HKDC1: variants seen among roughly 807,000 people sequenced by gnomAD.
HKDC1 encodes the protein hexokinase domain containing 1.
In HKDC1, 66 loss-of-function variants were observed where a neutral mutation model predicts 96.6. That is an observed-to-expected ratio of 0.68 (90% CI 0.56 to 0.84). HKDC1 has a LOEUF of 0.84. Ranked by LOEUF, HKDC1 falls within the 40% of genes least tolerant of loss-of-function variation. The pLI, the probability that HKDC1 is intolerant of heterozygous loss-of-function variation, is 0.00. For synonymous variants in HKDC1, 466 were observed against 473.1 expected (o/e 0.98, Z 0.20); for missense variants, 1,211 against 1,208.1 (o/e 1.00, Z -0.04).
intron 14 of HKDC1, among the ~76,000 whole-genome samples, chr10:69,257,973 C>T (rs919374771): frequency 6.6e-6 from 1 of 152,112 alleles, no homozygotes; most frequent in African/African-American, 2.4e-5. Context: ...AGGATTGGAA[C>T]AGGTGGAGAT....
chr10:69,228,282 T>C (rs1273594834), intron 2 of HKDC1, among the ~76,000 whole-genome samples: 1 of 152,136 alleles, frequency 6.6e-6, no homozygotes, highest in Non-Finnish European at 1.5e-5. Context: ...CTGCCTCCTT[T>C]CAACATTTAA....
Position 69,227,990 on chromosome 10 carries a change from A to G in HKDC1, c.226+621A>G, listed in dbSNP as rs566982534. Reference sequence around the variant, plus strand: ...CTGTAGAATGAGAAATGGCCTATGTATCTGTTTCCTATGGCTGCTGTGATG... The same window carrying G: ...CTGTAGAATGAGAAATGGCCTATGTGTCTGTTTCCTATGGCTGCTGTGATG... On this transcript the variant is annotated intron_variant, in intron 2 of 17. Coordinates refer to ENST00000354624, the MANE Select transcript of HKDC1 (RefSeq NM_025130.4). Among the ~76,000 whole-genome samples, 8 of 152,364 alleles carry G rather than the reference A, an allele frequency of 5.3e-5. No homozygotes were observed. In the East Asian group the frequency reaches 9.6e-4, roughly 18 times the overall value.
chr10:69,230,934 G>A (rs889879333), intron 2 of HKDC1, among the ~76,000 whole-genome samples: 16 of 152,144 alleles, frequency 1.1e-4, no homozygotes, highest in African/African-American at 3.6e-4. Context: ...CTGTTTTCTT[G>A]ATGTCTGTGA....
At chr10:69,247,022 C>G (rs972254954) in intron 8 of HKDC1, among the ~76,000 whole-genome samples, 4 of 152,254 alleles carry the variant, frequency 2.6e-5, no homozygotes, top group African/African-American at 9.6e-5. Context: ...AATCTCGGCT[C>G]TAGCCCTTAC....
At position 69,257,049 on chromosome 10, in the gene HKDC1, G is replaced by A; in HGVS notation, c.1850G>A (p.Gly617Glu). 6.2e-7 allele frequency: 1 copy of A among 1,613,894 alleles called. No individual in the cohort carries two copies. Among genetic ancestry groups the A allele is most frequent in the East Asian group, 2.2e-5 (1 of 44,872 alleles). Residue 617 changes from glycine (G) to glutamate (E), a missense_variant, in exon 13 of 18, where the codon GGG (glycine) becomes GAG (glutamate). Transcript: ENST00000354624. ...CCTTTCTTTCAGGGAACACTCATAG[G>A]GTGGACCAAAGGTTTCAAGGCCACT... ...QMSIDKGTLI[G>E]WTKGFKATDC...
At chr10:69,244,191 A>G (rs896721782) in intron 7 of HKDC1, among the ~76,000 whole-genome samples, 1 of 152,146 alleles carries the variant, frequency 6.6e-6, no homozygotes, top group Non-Finnish European at 1.5e-5. Context: ...AAGCCTCTGA[A>G]GCTGCCTCCT....
At chr10:69,229,642 A>G (rs749353802) in intron 2 of HKDC1, among the ~76,000 whole-genome samples, 3 of 152,192 alleles carry the variant, frequency 2.0e-5, no homozygotes, top group Non-Finnish European at 4.4e-5. Context: ...GCTCTGGGAC[A>G]GGCGGTGTCC....
chr10:69,229,646 G>A (rs562711196), intron 2 of HKDC1, among the ~76,000 whole-genome samples: 27 of 152,262 alleles, frequency 1.8e-4, no homozygotes, highest in Non-Finnish European at 3.1e-4. Context: ...TGGGACAGGC[G>A]GTGTCCTCCT....
chr10:69,234,752 AG>A (rs1288840543), intron 4 of HKDC1, among the ~76,000 whole-genome samples: 1 of 152,208 alleles, frequency 6.6e-6, no homozygotes, highest in Non-Finnish European at 1.5e-5. Flanking sequence ...AGGTTTTTGG[AG>A]GGCAAGCAGT....
In HKDC1 at chr10:69,265,803, A is replaced by G. The variant is rs762602691; in HGVS notation, c.2591A>G (p.Tyr864Cys). 6 of 1,611,472 alleles carry G rather than the reference A, an allele frequency of 3.7e-6. No homozygotes were observed. The South Asian group carries it at 6.6e-5, about 18-fold the overall frequency. Residue 864 changes from tyrosine to cysteine, a missense_variant, in exon 17 of 18, where the codon TAC becomes TGC. By Grantham distance (194) the Tyr-to-Cys change is radical. Transcript: ENST00000354624. ...RITVGVDGTL[Y>C]KLHPHFSRIL... is the part of the protein sequence containing the mutation. ...ACTGTGGGTGTGGACGGCACCCTGT[A>G]CAAGCTGCACCCTCAGTGAGTGCCC...
intron 2 of HKDC1, among the ~76,000 whole-genome samples, chr10:69,228,984 AAAAGAAAG>A (rs369452993): frequency 2.0e-5 from 3 of 152,152 alleles, no homozygotes; most frequent in African/African-American, 7.2e-5. Context: ...AAAGCAAAGA[AAAAGAAAG>A]AAAGAAAGAG....
In HKDC1 at chr10:69,257,132, G is replaced by A. The variant is rs1564736107; in HGVS notation, c.1932+1G>A. The A allele has an allele frequency of 1.2e-6, 2 of 1,612,948 alleles. No individual in the cohort carries two copies. Among genetic ancestry groups the A allele is most frequent in the Non-Finnish European group, 1.7e-6 (2 of 1,178,962 alleles). ...CAGGGAAGCCATCAAGAGGAGAAAC[G>A]TAGGATGTGGTGTTGAGGCTCATGC... On this transcript the variant is annotated splice_donor_variant, in intron 13 of 17. Coordinates refer to ENST00000354624, the MANE Select transcript of HKDC1 (RefSeq NM_025130.4). LOFTEE classifies it high-confidence loss of function.
intron 7 of HKDC1, 87 bp downstream of exon 7, chr10:69,243,452 G>T: frequency 5.6e-6 from 6 of 1,080,448 alleles, no homozygotes; most frequent in African/African-American, 1.6e-5. Flanking sequence ...AGGCTTTCCA[G>T]TTGTGACTAG....
chr10:69,246,533 G>A (rs1843543878), intron 8 of HKDC1, among the ~76,000 whole-genome samples: 9 of 152,186 alleles, frequency 5.9e-5, no homozygotes, highest in Admixed American at 5.2e-4. Context: ...ATCCTTTTGA[G>A]AACTTTATTC....
At position 69,267,409 on chromosome 10, in the gene HKDC1, T is replaced by C; in HGVS notation, c.*652T>C. 3 of 440,632 alleles carry C rather than the reference T, an allele frequency of 6.8e-6. No individual in the cohort carries two copies. Among genetic ancestry groups the C allele is most frequent in the Non-Finnish European group, 9.0e-6 (2 of 223,320 alleles). The allele number at this position is 440,632 out of a possible 1,614,324, so 27.3% of individuals were successfully genotyped here. A position where few individuals can be genotyped will look rare whatever the true frequency, so the allele number is the denominator to read the frequency against. ...GTAGGATTTTGTTCCTTATTAAGTG[T>C]GTGCCATGTGGTGGGGTGCTGTCTG... On this transcript the variant is annotated 3_prime_UTR_variant, in exon 18 of 18. Coordinates refer to ENST00000354624, the MANE Select transcript of HKDC1 (RefSeq NM_025130.4).
chr10:69,223,341 A>G (rs1371214555), intron 1 of HKDC1: 1 of 152,128 alleles, frequency 6.6e-6, no homozygotes, highest in African/African-American at 2.4e-5. Context: ...GTTTTTCTTC[A>G]TCCTGTATGT....
At position 69,258,821 on chromosome 10, in the gene HKDC1, A is replaced by G; in HGVS notation, c.2078A>G (p.Glu693Gly). The G allele has an allele frequency of 6.2e-7, 1 of 1,614,046 alleles. No homozygotes were observed. The highest frequency in any genetic ancestry group is 8.5e-7 in the Non-Finnish European group (1 of 1,179,990). ...TACATGGAGGACATGAGGAACATCG[A>G]GATGGTGGAGGGGGGTGAAGGGAAG... is the stretch of plus-strand genomic sequence containing the variant. ...MCYMEDMRNI[E>G]MVEGGEGKMC... Residue 693 changes from glutamate to glycine, a missense_variant, in exon 15 of 18, where the codon GAG becomes GGG. Glu to Gly is a moderately conservative substitution (Grantham distance 98, BLOSUM62 -2). Transcript: ENST00000354624.
In HKDC1 at chr10:69,220,451, T is replaced by A. The variant is rs1843042195; in HGVS notation, c.16T>A (p.Leu6Met). Residue 6 changes from leucine (L) to methionine (M), a missense_variant, in exon 1 of 18, where the codon TTG becomes ATG. Physicochemically the swap from Leu to Met is conservative, Grantham distance 15. Coordinates refer to ENST00000354624, the MANE Select transcript of HKDC1 (RefSeq NM_025130.4). ...CTTGGGGAAAATGTTTGCGGTCCACTTGATGGCATTTTACTTCAGCAAGCT... is the reference window on the plus strand; with the variant it reads ...CTTGGGGAAAATGTTTGCGGTCCACATGATGGCATTTTACTTCAGCAAGCT... MFAVH[L>M]MAFYFSKLKE... 1 of 1,601,402 alleles carries A rather than the reference T, an allele frequency of 6.2e-7. No homozygotes were observed. Among genetic ancestry groups the A allele is most frequent in the East Asian group, 2.3e-5 (1 of 43,598 alleles).
rs760168887 is a variant in HKDC1 at position 69,250,409 on chromosome 10, G to A, written c.1690G>A (p.Glu564Lys). Residue 564 changes from glutamate (E) to lysine (K), a missense_variant, in exon 11 of 18, where the codon GAG becomes AAG. Coordinates refer to ENST00000354624, the MANE Select transcript of HKDC1 (RefSeq NM_025130.4). ...CAACAAGATCTTCGCCATCCCCCTG[G>A]AGATCATGCAGGGCACTGGTGAGGA... ...MYNKIFAIPL[E>K]IMQGTGEELF... 2 of 1,613,962 alleles carry A rather than the reference G, an allele frequency of 1.2e-6. No individual in the cohort carries two copies. The highest frequency in any genetic ancestry group is 1.1e-5 in the South Asian group (1 of 91,080).
Sources: allele counts gnomAD v4.1 joint callset (sites outside exome capture counted in the v4.1 genomes callset), GRCh38; gene constraint gnomAD v4.1.1; transcripts MANE v1.5; gene names NCBI Gene and HGNC (gene_info 2026-07-23, HGNC 2026-07-21).